NBAS: variants seen among roughly 807,000 people sequenced by gnomAD.
NBAS encodes NAG/BC035112 fusion.
Under a neutral mutation model 302.5 loss-of-function variants are expected in NBAS, and 219 were observed. The ratio of observed to expected loss-of-function variants is 0.72; its 90% CI spans 0.65 to 0.81. The LOEUF (loss-of-function observed/expected upper bound fraction) is 0.81, where lower values mean the gene tolerates loss of function less well. NBAS is among the 30% of genes least tolerant of loss of function. The pLI is 0.00. For synonymous variants in NBAS, 1,118 were observed against 1,021.6 expected, an observed-to-expected ratio of 1.09 and a Z score of -1.80; for missense variants, 2,932 against 2,841.6, an observed-to-expected ratio of 1.03 and a Z score of -0.72.
At chr2:15,388,148 G>A (rs1208193377) in intron 28 of NBAS, among the ~76,000 whole-genome samples, 1 of 152,178 alleles carries the variant, frequency 6.6e-6, no homozygotes, top group East Asian at 1.9e-4. Context: ...CTATAAACAT[G>A]AGGTATTCCT....
At chr2:14,818,589 T>G in the NBAS span, among the ~76,000 whole-genome samples, 1 of 152,272 alleles carries the variant, frequency 6.6e-6, no homozygotes, top group Admixed American at 6.5e-5. Context: ...AATAGTGAAC[T>G]GAGCATAAAA....
the NBAS span, among the ~76,000 whole-genome samples, chr2:15,124,090 GGA>G: frequency 2.6e-5 from 4 of 152,310 alleles, 1 homozygote; most frequent in South Asian, 8.3e-4. Flanking sequence ...ATAGAAATGT[GGA>G]AGCTATTGGG....
intron 11 of NBAS, among the ~76,000 whole-genome samples, chr2:15,499,627 G>C (rs549636073): frequency 1.3e-5 from 2 of 152,248 alleles, no homozygotes; most frequent in East Asian, 1.9e-4. Flanking sequence ...TGGAGGGTGG[G>C]AGGAGGGAGA....
the NBAS span, among the ~76,000 whole-genome samples, chr2:14,869,022 G>C: frequency 6.6e-6 from 1 of 152,124 alleles, no homozygotes; most frequent in South Asian, 2.1e-4. Flanking sequence ...TTGACCCTGA[G>C]AGAATGAAGT....
the NBAS span, among the ~76,000 whole-genome samples, chr2:14,896,566 T>G: frequency 1.3e-5 from 2 of 152,268 alleles, no homozygotes; most frequent in African/African-American, 4.8e-5. Context: ...AGAAACACAC[T>G]GCAGAGTTCT....
intron 40 of NBAS, among the ~76,000 whole-genome samples, chr2:15,307,519 A>C (rs895659253): frequency 1.3e-5 from 2 of 152,224 alleles, no homozygotes; most frequent in Non-Finnish European, 2.9e-5. Flanking sequence ...AAGTCTAATC[A>C]ATTTAATTAT....
chr2:15,361,604 T>G (rs1437287684), intron 32 of NBAS, among the ~76,000 whole-genome samples: 1 of 152,142 alleles, frequency 6.6e-6, no homozygotes, highest in East Asian at 1.9e-4. Context: ...ACAAATACAA[T>G]GTAATTTGGA....
the NBAS span, among the ~76,000 whole-genome samples, chr2:15,078,208 G>C: frequency 6.6e-6 from 1 of 152,116 alleles, no homozygotes; most frequent in East Asian, 1.9e-4. Context: ...TGCAGGCAAT[G>C]GGAAGTCCTA....
At chr2:14,909,290 G>A in the NBAS span, among the ~76,000 whole-genome samples, 11 of 146,790 alleles carry the variant, frequency 7.5e-5, no homozygotes, top group South Asian at 2.2e-4. Context: ...ACTGCACTCC[G>A]GCCTGGGTGA....
chr2:15,284,675 C>G (rs1669963899), intron 42 of NBAS, among the ~76,000 whole-genome samples: 3 of 152,214 alleles, frequency 2.0e-5, no homozygotes, highest in Admixed American at 6.5e-5. Context: ...GGCACTCACT[C>G]AATAAATAAA....
chr2:15,470,686 C>G lies in NBAS; in HGVS notation c.1726-2153G>C, dbSNP rs189542649. ...AAACATCTTCACTATATAAAATCTTCCATCTCTACCAGATCTATAATAATC... is the reference window on the plus strand; with the variant it reads ...AAACATCTTCACTATATAAAATCTTGCATCTCTACCAGATCTATAATAATC... On this transcript the variant is annotated intron_variant, in intron 16 of 51. Coordinates refer to ENST00000281513, the MANE Select transcript of NBAS (RefSeq NM_015909.4). Among the ~76,000 whole-genome samples the G allele has an allele frequency of 2.0e-4, 31 of 152,304 alleles. No homozygotes were observed. In the East Asian group the frequency reaches 5.6e-3, roughly 28 times the overall value.
intron 21 of NBAS, among the ~76,000 whole-genome samples, chr2:15,441,172 A>G (rs1268997108): frequency 6.6e-6 from 1 of 152,186 alleles, no homozygotes; most frequent in African/African-American, 2.4e-5. Context: ...AAAGATACTC[A>G]TTGAGAAGAG....
chr2:15,233,137 C>T (rs1465216412), intron 46 of NBAS, among the ~76,000 whole-genome samples: 1 of 152,178 alleles, frequency 6.6e-6, no homozygotes, highest in East Asian at 1.9e-4. Flanking sequence ...TTCGTGCCTA[C>T]TACATTTTAT....
At chr2:14,925,193 T>C in the NBAS span, among the ~76,000 whole-genome samples, 466 of 152,326 alleles carry the variant, frequency 3.1e-3, 2 homozygotes, top group Non-Finnish European at 5.1e-3. Flanking sequence ...AAGTTTATTA[T>C]AATTATGTAC....
chr2:15,000,249 C>G, the NBAS span, among the ~76,000 whole-genome samples: 3 of 152,190 alleles, frequency 2.0e-5, no homozygotes, highest in South Asian at 6.2e-4. Context: ...TGCCCTGTAT[C>G]TGAAAGTAAA....
the NBAS span, among the ~76,000 whole-genome samples, chr2:14,832,088 T>C: frequency 1.2e-4 from 19 of 152,152 alleles, no homozygotes; most frequent in African/African-American, 4.6e-4. Flanking sequence ...TTCAAGGTCA[T>C]GGCTGTGTGT....
At chr2:14,799,603 A>G in the NBAS span, among the ~76,000 whole-genome samples, 1 of 152,136 alleles carries the variant, frequency 6.6e-6, no homozygotes, top group Non-Finnish European at 1.5e-5. Flanking sequence ...TTAATTGAGT[A>G]GTCTATATCC....
intron 13 of NBAS, among the ~76,000 whole-genome samples, chr2:15,476,921 T>C (rs535489819): frequency 7.2e-5 from 11 of 152,200 alleles, no homozygotes; most frequent in Non-Finnish European, 1.3e-4. Flanking sequence ...ATTTTAAATA[T>C]GGAGTTCAGA....
the NBAS span, among the ~76,000 whole-genome samples, chr2:14,877,851 C>G: frequency 6.6e-6 from 1 of 152,142 alleles, no homozygotes; most frequent in African/African-American, 2.4e-5. Flanking sequence ...TATAAAGGAG[C>G]TTTCTGGCTT....
Sources: gnomAD v4.1 joint callset for allele counts (sites outside exome capture counted in the v4.1 genomes callset) on GRCh38, gnomAD v4.1.1 for gene constraint, MANE v1.5 for transcripts, NCBI Gene and HGNC (gene_info 2026-07-23, HGNC 2026-07-21) for gene names.